KCNJ3: variants seen among roughly 807,000 people sequenced by gnomAD.
KCNJ3 encodes the protein potassium inwardly rectifying channel subfamily J member 3.
In KCNJ3, 4 loss-of-function variants were observed where a neutral mutation model predicts 39.2. The observed-to-expected ratio is 0.10, with a 90% CI of 0.05 to 0.23. The LOEUF is 0.23. Among genes scored for constraint, KCNJ3 ranks in the 10% least tolerant of loss-of-function variants. The pLI is 1.00. For synonymous variants in KCNJ3, 230 were observed against 237.4 expected (o/e 0.97, Z 0.29); for missense variants, 276 against 634.9 (o/e 0.43, Z 6.08).
chr2:154,737,925 C>T (rs982305359), intron 2 of KCNJ3, among the ~76,000 whole-genome samples: 4 of 152,096 alleles, frequency 2.6e-5, no homozygotes, highest in African/African-American at 9.7e-5. Flanking sequence ...CTCAATAAAT[C>T]TCAAGGAGGC....
At chr2:154,813,354 C>T (rs1469151244) in intron 2 of KCNJ3, among the ~76,000 whole-genome samples, 1 of 152,036 alleles carries the variant, frequency 6.6e-6, no homozygotes, top group Admixed American at 6.6e-5. Context: ...GTTAATGGTA[C>T]CCTGAGTTCT....
chr2:154,770,755 T>A (rs1686226412), intron 2 of KCNJ3, among the ~76,000 whole-genome samples: 1 of 152,148 alleles, frequency 6.6e-6, no homozygotes, highest in Admixed American at 6.5e-5. Context: ...ATGACAGCTG[T>A]TCTATAACAA....
chr2:154,826,124 T>C (rs1241988292), intron 2 of KCNJ3, among the ~76,000 whole-genome samples: 1 of 152,176 alleles, frequency 6.6e-6, no homozygotes, highest in Non-Finnish European at 1.5e-5. Flanking sequence ...ATAACAGAAA[T>C]TGATTGAGGC....
chr2:154,806,927 C>G (rs1686921973), intron 2 of KCNJ3, among the ~76,000 whole-genome samples: 1 of 152,196 alleles, frequency 6.6e-6, no homozygotes, highest in African/African-American at 2.4e-5. Flanking sequence ...CCACGGGTTT[C>G]ACCTTGGTCT....
At chr2:154,738,619 T>A (rs1451861963) in intron 2 of KCNJ3, among the ~76,000 whole-genome samples, 1 of 151,834 alleles carries the variant, frequency 6.6e-6, no homozygotes, top group Non-Finnish European at 1.5e-5. Context: ...GTGTAGACAA[T>A]CTTAAATGTA....
rs1037116702 is a variant in KCNJ3 at position 154,849,719 on chromosome 2, T to C, written c.920-5008T>C. Among the ~76,000 whole-genome samples the C allele has an allele frequency of 8.5e-5, 13 of 152,298 alleles. 1 individual carries two copies. In the Middle Eastern group the frequency reaches 0.014, roughly 159 times the overall value. On this transcript the variant is annotated intron_variant, in intron 2 of 2. Coordinates refer to ENST00000295101, the MANE Select transcript of KCNJ3 (RefSeq NM_002239.4). Reference sequence around the variant, plus strand: ...ATGGAAAATAACTGAGTTAGAGATATCCTGAAAGTTTAATTAAGGACTTGT... The same window carrying C: ...ATGGAAAATAACTGAGTTAGAGATACCCTGAAAGTTTAATTAAGGACTTGT...
intron 2 of KCNJ3, among the ~76,000 whole-genome samples, chr2:154,717,601 G>A (rs939665537): frequency 6.6e-6 from 1 of 152,234 alleles, no homozygotes; most frequent in African/African-American, 2.4e-5. Context: ...CCGAAGTTCT[G>A]TAGGCTACTT....
intron 2 of KCNJ3, among the ~76,000 whole-genome samples, chr2:154,836,032 G>A (rs201090859): frequency 5.3e-5 from 8 of 151,902 alleles, no homozygotes; most frequent in East Asian, 1.9e-4. Context: ...CCAACATGGC[G>A]AAACCCTGTC....
At chr2:154,811,185 G>A (rs188046997) in intron 2 of KCNJ3, among the ~76,000 whole-genome samples, 109 of 152,212 alleles carry the variant, frequency 7.2e-4, no homozygotes, top group African/African-American at 2.3e-3. Context: ...GTGTGGCTTG[G>A]GGTTATCTCC....
At chr2:154,781,446 G>T (rs943574351) in intron 2 of KCNJ3, among the ~76,000 whole-genome samples, 18 of 152,118 alleles carry the variant, frequency 1.2e-4, no homozygotes, top group Admixed American at 9.8e-4. Flanking sequence ...TTCCAAGGAG[G>T]TCTTACCTTT....
chr2:154,770,745 A>C (rs1272274312), intron 2 of KCNJ3, among the ~76,000 whole-genome samples: 2 of 152,148 alleles, frequency 1.3e-5, no homozygotes, highest in African/African-American at 4.8e-5. Context: ...TAGTCTCTGG[A>C]TGACAGCTGT....
intron 2 of KCNJ3, among the ~76,000 whole-genome samples, chr2:154,724,491 C>A (rs1167341233): frequency 6.6e-6 from 1 of 151,984 alleles, no homozygotes; most frequent in African/African-American, 2.4e-5. Flanking sequence ...CGAGAATTTT[C>A]TTTTGATGTG....
intron 2 of KCNJ3, among the ~76,000 whole-genome samples, chr2:154,744,566 A>G (rs1685705617): frequency 1.3e-5 from 2 of 151,762 alleles, no homozygotes; most frequent in South Asian, 4.1e-4. Context: ...CATTTTTTTA[A>G]GGAATTAGTG....
At chr2:154,718,870 C>T in intron 2 of KCNJ3, among the ~76,000 whole-genome samples, 1 of 152,008 alleles carries the variant, frequency 6.6e-6, no homozygotes, top group Admixed American at 6.6e-5. Context: ...TTGACACTAC[C>T]TTTGTCATAA....
intron 2 of KCNJ3, among the ~76,000 whole-genome samples, chr2:154,715,220 T>A (rs935965890): frequency 1.3e-5 from 2 of 152,224 alleles, no homozygotes; most frequent in Non-Finnish European, 2.9e-5. Flanking sequence ...ACCTGGAGGA[T>A]CTCTGTTTGC....
At chr2:154,741,419 G>A (rs894243384) in intron 2 of KCNJ3, among the ~76,000 whole-genome samples, 15 of 139,972 alleles carry the variant, frequency 1.1e-4, no homozygotes, top group African/African-American at 4.3e-4. Flanking sequence ...TCATTTTATA[G>A]TGTTGCATTT....
In KCNJ3 at chr2:154,796,115, C is replaced by T. The variant is rs553445066; in HGVS notation, c.920-58612C>T. Among the ~76,000 whole-genome samples, 16 of 152,012 alleles carry T rather than the reference C, an allele frequency of 1.1e-4. No individual in the cohort carries two copies. In the South Asian group the frequency reaches 3.1e-3, roughly 30 times the overall value. On this transcript the variant is annotated intron_variant, in intron 2 of 2. Transcript: ENST00000295101. Reference sequence around the variant, plus strand: ...ACGCAAACTGTGAAGAGTGTCTTAACGAAGGTTGGGATGCAGTGCTAAATT... The same window carrying T: ...ACGCAAACTGTGAAGAGTGTCTTAATGAAGGTTGGGATGCAGTGCTAAATT...
intron 2 of KCNJ3, among the ~76,000 whole-genome samples, chr2:154,853,052 A>C (rs1687782522): frequency 6.6e-6 from 1 of 152,070 alleles, no homozygotes; most frequent in African/African-American, 2.4e-5. Context: ...AAGAAAGGTC[A>C]AGAGACTTAA....
chr2:154,705,954 G>C (rs1351469651), intron 1 of KCNJ3, among the ~76,000 whole-genome samples: 5 of 151,768 alleles, frequency 3.3e-5, no homozygotes, highest in African/African-American at 4.8e-5. Context: ...TCAACCCAAG[G>C]ATTTTTTCAA....
Sources: allele counts gnomAD v4.1 joint callset (sites outside exome capture counted in the v4.1 genomes callset), GRCh38; gene constraint gnomAD v4.1.1; transcripts MANE v1.5; gene names NCBI Gene and HGNC (gene_info 2026-07-23, HGNC 2026-07-21).